Variants in ARMH3 observed in about 807,000 individuals in gnomAD.
ARMH3 encodes the protein armadillo-like helical domain-containing protein 3.
Under a neutral mutation model 99.1 loss-of-function variants are expected in ARMH3, and 60 were observed. The observed-to-expected ratio is 0.61, with a 90% CI of 0.49 to 0.75. The LOEUF (loss-of-function observed/expected upper bound fraction) is 0.75, where lower values mean the gene tolerates loss of function less well. ARMH3 is among the 30% of genes least tolerant of loss of function. The pLI is 0.00. For synonymous variants in ARMH3, 285 were observed against 292.8 expected (o/e 0.97, Z 0.27); for missense variants, 679 against 843.1 (o/e 0.81, Z 2.41).
At chr10:101,936,221 C>T (rs190811336) in intron 23 of ARMH3, among the ~76,000 whole-genome samples, 10 of 152,138 alleles carry the variant, frequency 6.6e-5, no homozygotes, top group Admixed American at 3.9e-4. Context: ...TGGCCGGGTG[C>T]GGTGGCTCAT....
chr10:101,897,280 G>T (rs548747608), intron 23 of ARMH3, among the ~76,000 whole-genome samples: 3 of 152,162 alleles, frequency 2.0e-5, no homozygotes, highest in African/African-American at 7.2e-5. Flanking sequence ...AAGACAGCAG[G>T]TACCAAATTT....
At chr10:101,915,942 T>C (rs1201102213) in intron 23 of ARMH3, among the ~76,000 whole-genome samples, 1 of 151,664 alleles carries the variant, frequency 6.6e-6, no homozygotes, top group Non-Finnish European at 1.5e-5. Context: ...TAGCTGGAAC[T>C]ACAGGCGCCC....
intron 23 of ARMH3, among the ~76,000 whole-genome samples, chr10:101,932,884 C>T (rs983979024): frequency 1.3e-5 from 2 of 152,114 alleles, no homozygotes; most frequent in Non-Finnish European, 2.9e-5. Flanking sequence ...TTAAACTGTA[C>T]ACTTAAAAAT....
intron 23 of ARMH3, among the ~76,000 whole-genome samples, chr10:101,935,777 G>A (rs1398387504): frequency 1.3e-5 from 2 of 152,190 alleles, no homozygotes. Flanking sequence ...TCAGGTGTGG[G>A]ATCAGCACAA....
At chr10:101,866,713 A>G (rs2067013141) in intron 24 of ARMH3, among the ~76,000 whole-genome samples, 1 of 152,212 alleles carries the variant, frequency 6.6e-6, no homozygotes, top group African/African-American at 2.4e-5. Context: ...GCAAACAGGA[A>G]GGTGAAGAAT....
rs916747166 is a variant in ARMH3, at chr10:102,000,941, C to G, written c.1150+1030G>C. On this transcript the variant is annotated intron_variant, in intron 15 of 25. Transcript: ENST00000370033. ...AAGCAATTCTCCTGTATCAGCCTCT[C>G]GAGTAGCTGGGATTACAGGCACATG... is the stretch of plus-strand genomic sequence containing the variant. 1.0e-3 allele frequency among the ~76,000 whole-genome samples: 159 copies of G among 151,922 alleles called. 1 individual carries two copies. Among genetic ancestry groups the G allele is most frequent in the African/African-American group, 3.8e-3 (157 of 41,364 alleles).
intron 2 of ARMH3, among the ~76,000 whole-genome samples, chr10:102,033,781 G>C (rs910597914): frequency 6.6e-6 from 1 of 152,140 alleles, no homozygotes; most frequent in Non-Finnish European, 1.5e-5. Context: ...AGGGGAAAAA[G>C]AACACTTATC....
At chr10:101,864,789 T>A (rs1002843869) in intron 24 of ARMH3, among the ~76,000 whole-genome samples, 4 of 152,046 alleles carry the variant, frequency 2.6e-5, no homozygotes, top group African/African-American at 9.7e-5. Flanking sequence ...AAATACCTAA[T>A]GTAAATGACG....
At chr10:101,940,259 G>A (rs1474722640) in intron 22 of ARMH3, among the ~76,000 whole-genome samples, 1 of 152,096 alleles carries the variant, frequency 6.6e-6, no homozygotes, top group African/African-American at 2.4e-5. Flanking sequence ...TCTGCACTGG[G>A]GTGGTGATGT....
At chr10:101,976,410 TCTCACA>T (rs1369741166) in intron 19 of ARMH3, among the ~76,000 whole-genome samples, 180 of 128,318 alleles carry the variant, frequency 1.4e-3, no homozygotes, top group African/African-American at 3.4e-3. Context: ...TCTCTCTCTC[TCTCACA>T]CACACACACA....
intron 23 of ARMH3, among the ~76,000 whole-genome samples, chr10:101,933,559 G>A (rs1843817264): frequency 6.6e-6 from 1 of 152,084 alleles, no homozygotes; most frequent in Non-Finnish European, 1.5e-5. Context: ...AAGAGATTAG[G>A]GTACAGCAAC....
intron 24 of ARMH3, 90 bp downstream of exon 24, chr10:101,889,322 C>G: frequency 7.7e-7 from 1 of 1,294,290 alleles, no homozygotes; most frequent in South Asian, 1.2e-5. Flanking sequence ...ACCACAAAAG[C>G]TCAGTCACAG....
chr10:101,956,856 T>C (rs1381740466), intron 21 of ARMH3, 133 bp from the exon 22 acceptor site: 31 of 777,756 alleles, frequency 4.0e-5, no homozygotes, highest in Non-Finnish European at 5.4e-5. Flanking sequence ...TGTAAGCCAG[T>C]TGTTAAACAC....
chr10:101,911,309 C>T (rs897151266), intron 23 of ARMH3, among the ~76,000 whole-genome samples: 9 of 152,124 alleles, frequency 5.9e-5, no homozygotes, highest in Non-Finnish European at 1.0e-4. Context: ...ATAATGAAAC[C>T]TCCCACATAA....
At chr10:101,858,702 C>T (rs928692420) in intron 24 of ARMH3, among the ~76,000 whole-genome samples, 8 of 152,206 alleles carry the variant, frequency 5.3e-5, no homozygotes, top group Admixed American at 3.3e-4. Flanking sequence ...CTTTAGGGTT[C>T]GTGCATTAGC....
At chr10:101,999,059 T>C (rs1414069007) in intron 15 of ARMH3, among the ~76,000 whole-genome samples, 1 of 152,218 alleles carries the variant, frequency 6.6e-6, no homozygotes, top group African/African-American at 2.4e-5. Context: ...GAAGAATCTA[T>C]GCCAAATTGT....
intron 24 of ARMH3, among the ~76,000 whole-genome samples, chr10:101,856,180 G>C (rs1275392380): frequency 1.3e-5 from 2 of 152,094 alleles, no homozygotes; most frequent in Non-Finnish European, 2.9e-5. Flanking sequence ...AGCTCCTTAG[G>C]GCTCCAGGGT....
At chr10:101,931,292 C>T (rs775334464) in intron 23 of ARMH3, among the ~76,000 whole-genome samples, 12 of 152,076 alleles carry the variant, frequency 7.9e-5, no homozygotes, top group African/African-American at 2.2e-4. Flanking sequence ...TTTGGGAGGC[C>T]GAGGCTCACA....
intron 16 of ARMH3, among the ~76,000 whole-genome samples, chr10:101,994,355 G>A (rs967454629): frequency 2.6e-5 from 4 of 152,168 alleles, no homozygotes; most frequent in African/African-American, 9.7e-5. Flanking sequence ...CCCTAATCTT[G>A]TGAAAAGGAG....
Sources: gnomAD v4.1 joint callset for allele counts (sites outside exome capture counted in the v4.1 genomes callset) on GRCh38, gnomAD v4.1.1 for gene constraint, MANE v1.5 for transcripts, NCBI Gene and HGNC (gene_info 2026-07-23, HGNC 2026-07-21) for gene names.